The following SPAG16 variants were observed in gnomAD, a reference collection of about 807,000 sequenced individuals.
SPAG16 encodes the protein sperm-associated antigen 16 protein.
In SPAG16, 86 loss-of-function variants were observed where a neutral mutation model predicts 80.4. The observed-to-expected ratio is 1.07, with a 90% CI of 0.90 to 1.28. The LOEUF (loss-of-function observed/expected upper bound fraction) is 1.28, where lower values mean the gene tolerates loss of function less well. SPAG16 is among the 50% of genes most tolerant of loss of function. The pLI, the probability that SPAG16 is intolerant of heterozygous loss-of-function variation, is 0.00. For missense variants in SPAG16, 870 were observed against 765.3 expected, an observed-to-expected ratio of 1.14 and a Z score of -1.61; for synonymous variants, 294 against 265.9, an observed-to-expected ratio of 1.11 and a Z score of -1.03.
At chr2:213,579,748 A>G (rs1477096502) in intron 10 of SPAG16, among the ~76,000 whole-genome samples, 1 of 152,076 alleles carries the variant, frequency 6.6e-6, no homozygotes, top group Non-Finnish European at 1.5e-5. Flanking sequence ...TAACATGTTT[A>G]TTTTGTTAGC....
intron 7 of SPAG16, among the ~76,000 whole-genome samples, chr2:213,360,270 C>T (rs1032452399): frequency 6.6e-6 from 1 of 152,184 alleles, no homozygotes. Context: ...TTCCTTATAT[C>T]ACTAAATTTT....
chr2:214,219,387 TAACTTATCAAATAGAATAGAAAC>T (rs1196335061), intron 15 of SPAG16, among the ~76,000 whole-genome samples: 2 of 145,576 alleles, frequency 1.4e-5, no homozygotes, highest in Non-Finnish European at 3.0e-5. Context: ...AATTATTTGA[TAACTTATCAAATAGAATAGAAAC>T]AACTTATCAA....
intron 10 of SPAG16, among the ~76,000 whole-genome samples, chr2:213,528,921 C>T (rs1363118692): frequency 6.6e-6 from 1 of 152,144 alleles, no homozygotes; most frequent in East Asian, 1.9e-4. Flanking sequence ...GAAGTATTAA[C>T]TAATCTGAAA....
chr2:214,114,629 C>A (rs1262311867), intron 14 of SPAG16, among the ~76,000 whole-genome samples: 2 of 152,232 alleles, frequency 1.3e-5, no homozygotes, highest in Non-Finnish European at 2.9e-5. Context: ...AGGAGAGAAT[C>A]TCCTTGTCTG....
At chr2:214,296,962 C>A (rs2125941901) in intron 15 of SPAG16, among the ~76,000 whole-genome samples, 1 of 152,324 alleles carries the variant, frequency 6.6e-6, no homozygotes, top group Non-Finnish European at 1.5e-5. Flanking sequence ...ATGTGGCATG[C>A]TGGCTCCCCT....
intron 12 of SPAG16, among the ~76,000 whole-genome samples, chr2:213,993,958 A>G (rs947908063): frequency 3.9e-5 from 6 of 152,204 alleles, no homozygotes; most frequent in Admixed American, 6.6e-5. Context: ...ATTTGGGAAC[A>G]TCACACATGA....
intron 10 of SPAG16, among the ~76,000 whole-genome samples, chr2:213,625,482 C>A (rs937292548): frequency 1.2e-4 from 19 of 152,098 alleles, no homozygotes; most frequent in Non-Finnish European, 7.4e-5. Flanking sequence ...AATGACTTCT[C>A]CCCATCTGTA....
Position 213,862,433 on chromosome 2 carries a change from A to G in SPAG16, c.1071-52A>G, listed in dbSNP as rs118105108. On this transcript the variant is annotated intron_variant, in intron 10 of 15. Coordinates refer to ENST00000331683, the MANE Select transcript of SPAG16 (RefSeq NM_024532.5). ...TGCCATTTCATTTATTCATATTCTG[A>G]AAACATTTGCTATTATCTCCCCATA... 6,143 of 1,588,784 alleles carry G rather than the reference A, an allele frequency of 3.9e-3. 75 individuals are homozygous for G. In the East Asian group the frequency reaches 0.044, roughly 11 times the overall value.
intron 15 of SPAG16, among the ~76,000 whole-genome samples, chr2:214,290,574 A>G (rs1004069190): frequency 6.6e-6 from 1 of 151,900 alleles, no homozygotes; most frequent in Non-Finnish European, 1.5e-5. Flanking sequence ...GTATTTTTGT[A>G]TTTCCATTTT....
rs192574937 is a variant in SPAG16, at chr2:214,011,357, T to G, written c.1401-2594T>G. ...AGAAAATAACTTATTCTGTAAGTTTTGGCACTCTCCTCAAAAAAGATTAAA... is the reference window on the plus strand; with the variant it reads ...AGAAAATAACTTATTCTGTAAGTTTGGGCACTCTCCTCAAAAAAGATTAAA... On this transcript the variant is annotated intron_variant, in intron 12 of 15. Coordinates refer to ENST00000331683, the MANE Select transcript of SPAG16 (RefSeq NM_024532.5). Among the ~76,000 whole-genome samples the G allele has an allele frequency of 7.5e-5, 11 of 146,362 alleles. 2 individuals carry two copies. The highest frequency in any genetic ancestry group is 5.9e-5 in the Non-Finnish European group (4 of 67,292).
chr2:213,665,835 C>T (rs1335111524), intron 10 of SPAG16, among the ~76,000 whole-genome samples: 3 of 152,110 alleles, frequency 2.0e-5, no homozygotes, highest in African/African-American at 7.2e-5. Flanking sequence ...AGCTTAGGAA[C>T]ACTAGCTAGA....
intron 15 of SPAG16, among the ~76,000 whole-genome samples, chr2:214,383,595 A>AAGAC (rs1463227118): frequency 6.6e-6 from 1 of 151,972 alleles, no homozygotes; most frequent in Admixed American, 6.6e-5. Flanking sequence ...AAGAAAAAAA[A>AAGAC]AGACATATTT....
intron 15 of SPAG16, among the ~76,000 whole-genome samples, chr2:214,229,384 T>G (rs1285026619): frequency 6.6e-6 from 1 of 151,840 alleles, no homozygotes; most frequent in Non-Finnish European, 1.5e-5. Flanking sequence ...GGCATGCATC[T>G]TTATTATCCT....
chr2:214,329,357 A>T (rs1696724478), intron 15 of SPAG16, among the ~76,000 whole-genome samples: 1 of 152,234 alleles, frequency 6.6e-6, no homozygotes, highest in Non-Finnish European at 1.5e-5. Flanking sequence ...TCCCTTTGAT[A>T]TTTTTGGCAA....
Position 214,263,900 on chromosome 2 carries a change from A to G in SPAG16, c.1720+114634A>G, listed in dbSNP as rs568320054. ...TTTAGCATATTTAGTTTATACATGC[A>G]TGCACTTGGGAATTATTTAGTTCAC... On this transcript the variant is annotated intron_variant, in intron 15 of 15. Coordinates refer to ENST00000331683, the MANE Select transcript of SPAG16 (RefSeq NM_024532.5). 2.0e-5 allele frequency among the ~76,000 whole-genome samples: 3 copies of G among 152,328 alleles called. No homozygotes were observed. The South Asian group carries it at 6.2e-4, about 32-fold the overall frequency.
In SPAG16 at chr2:214,379,724, T is replaced by C. The variant is rs80219965; in HGVS notation, c.1721-30416T>C. ...TTAGGCCTGTTCTTTCCTTTAATTG[T>C]AAGGGAAATCTAAGCACAGTCACAT... On this transcript the variant is annotated intron_variant, in intron 15 of 15. Transcript: ENST00000331683. Among the ~76,000 whole-genome samples, 122 of 152,338 alleles carry C rather than the reference T, an allele frequency of 8.0e-4. 1 individual carries two copies. The highest frequency in any genetic ancestry group is 1.7e-3 in the South Asian group (8 of 4,828).
At chr2:214,184,056 C>T (rs2057392619) in intron 15 of SPAG16, among the ~76,000 whole-genome samples, 1 of 152,006 alleles carries the variant, frequency 6.6e-6, no homozygotes. Context: ...AATTTATATA[C>T]TTATCATGGA....
intron 10 of SPAG16, among the ~76,000 whole-genome samples, chr2:213,621,302 A>G (rs2061774321): frequency 6.6e-6 from 1 of 152,180 alleles, no homozygotes; most frequent in Admixed American, 6.5e-5. Flanking sequence ...TTTTAGTGTC[A>G]TTTGAAAGAA....
chr2:213,753,549 A>T (rs187914385), intron 10 of SPAG16, among the ~76,000 whole-genome samples: 1 of 152,210 alleles, frequency 6.6e-6, no homozygotes, highest in Non-Finnish European at 1.5e-5. Context: ...TTAAGACATT[A>T]GTTTCATGTA....
Sources: gnomAD v4.1 joint callset for allele counts (sites outside exome capture counted in the v4.1 genomes callset) on GRCh38, gnomAD v4.1.1 for gene constraint, MANE v1.5 for transcripts, NCBI Gene and HGNC (gene_info 2026-07-23, HGNC 2026-07-21) for gene names.